Variants in ADAM23 observed in about 807,000 individuals in gnomAD.
ADAM23 encodes disintegrin and metalloproteinase domain-containing protein 23.
A neutral mutation model predicts 120.1 loss-of-function variants in ADAM23; 33 were observed. That is an observed-to-expected ratio of 0.27 (90% CI 0.21 to 0.37). The LOEUF (loss-of-function observed/expected upper bound fraction) is 0.37. ADAM23 is among the 10% of genes least tolerant of loss of function. The probability of loss-of-function intolerance (pLI) is 1.00; values close to 1 mark genes in which losing one functional copy is unlikely to be tolerated. For missense variants in ADAM23, 862 were observed against 1,058.2 expected (o/e 0.81, Z 2.57); for synonymous variants, 367 against 375.2 (o/e 0.98, Z 0.25).
chr2:206,613,546 T>C (rs561303976), intron 25 of ADAM23, among the ~76,000 whole-genome samples: 1 of 152,284 alleles, frequency 6.6e-6, no homozygotes, highest in Admixed American at 6.5e-5. Flanking sequence ...CATGCTCCTG[T>C]TCTTCCCCAT....
In ADAM23 at chr2:206,526,175, CACACAG is replaced by C. The variant is rs761670352; in HGVS notation, c.510-4704_510-4699del. Among the ~76,000 whole-genome samples, 974 of 143,462 alleles carry C rather than the reference CACACAG, an allele frequency of 6.8e-3. 4 individuals carry two copies. Among genetic ancestry groups the C allele is most frequent in the Non-Finnish European group, 9.1e-3 (593 of 65,232 alleles). The allele number at this position is 143,462 out of a possible 152,430, so 94.1% of individuals were successfully genotyped here. On this transcript the variant is annotated intron_variant, in intron 3 of 25. Transcript: ENST00000264377. ...ACACACACACACACACACACACACA[CACACAG>C]ACACACACAGACACACGTCTATACA... is the stretch of plus-strand genomic sequence containing the variant.
intron 4 of ADAM23, among the ~76,000 whole-genome samples, chr2:206,532,070 G>A (rs1697076248): frequency 6.6e-6 from 1 of 152,084 alleles, no homozygotes; most frequent in South Asian, 2.1e-4. Flanking sequence ...GTTGCATTTG[G>A]GGGTTGTTGA....
At chr2:206,542,785 G>T (rs570035952) in intron 5 of ADAM23, among the ~76,000 whole-genome samples, 16 of 152,252 alleles carry the variant, frequency 1.1e-4, no homozygotes, top group African/African-American at 3.6e-4. Context: ...ATTTATAAGC[G>T]TAAAGATACC....
chr2:206,473,370 C>A (rs765564050), intron 2 of ADAM23, among the ~76,000 whole-genome samples: 1 of 152,076 alleles, frequency 6.6e-6, no homozygotes, highest in African/African-American at 2.4e-5. Context: ...TCCACAAATT[C>A]AAATGCGCTT....
At chr2:206,598,343 G>T (rs1406629853) in intron 24 of ADAM23, among the ~76,000 whole-genome samples, 1 of 151,884 alleles carries the variant, frequency 6.6e-6, no homozygotes, top group African/African-American at 2.4e-5. Flanking sequence ...TAATTGTCTG[G>T]TTCTGTAATA....
intron 25 of ADAM23, among the ~76,000 whole-genome samples, chr2:206,614,665 A>G (rs559145641): frequency 4.6e-5 from 7 of 152,100 alleles, no homozygotes; most frequent in Non-Finnish European, 1.0e-4. Context: ...AAAAAAAAAG[A>G]GTTATCTGAA....
At chr2:206,522,492 GAA>G (rs201828327) in intron 3 of ADAM23, among the ~76,000 whole-genome samples, 1,538 of 152,216 alleles carry the variant, frequency 0.01, 12 homozygotes, top group Non-Finnish European at 0.017. Flanking sequence ...GTAAAAAAAT[GAA>G]AAGAGTTCTT....
intron 16 of ADAM23, among the ~76,000 whole-genome samples, chr2:206,571,399 C>T (rs562498558): frequency 1.8e-3 from 273 of 152,056 alleles, no homozygotes; most frequent in African/African-American, 6.4e-3. Flanking sequence ...GGCATGAACC[C>T]GGGAGGCGGA....
intron 3 of ADAM23, among the ~76,000 whole-genome samples, chr2:206,517,044 T>C (rs1696748560): frequency 6.6e-6 from 1 of 152,060 alleles, no homozygotes; most frequent in Non-Finnish European, 1.5e-5. Context: ...GTAAGCTTGC[T>C]AAAATAAAAA....
At position 206,587,621 on chromosome 2, in the gene ADAM23, C is replaced by T. The variant is rs191796466; in HGVS notation, c.1788+246C>T. On this transcript the variant is annotated intron_variant, in intron 19 of 25. Coordinates refer to ENST00000264377, the MANE Select transcript of ADAM23 (RefSeq NM_003812.4). Reference sequence around the variant, plus strand: ...GTAATGGCTGAAGAACTGGGAGTCTCATTTATTGAGTTGTGACCATCTTTC... The same window carrying T: ...GTAATGGCTGAAGAACTGGGAGTCTTATTTATTGAGTTGTGACCATCTTTC... Among the ~76,000 whole-genome samples the T allele has an allele frequency of 9.1e-4, 138 of 151,884 alleles. 2 individuals carry two copies. The highest frequency in any genetic ancestry group is 3.1e-3 in the African/African-American group (127 of 41,460).
intron 16 of ADAM23, among the ~76,000 whole-genome samples, chr2:206,571,194 G>T (rs201407513): frequency 2.0e-5 from 3 of 152,166 alleles, no homozygotes; most frequent in Non-Finnish European, 4.4e-5. Flanking sequence ...AAGCTTTCTC[G>T]GCCGGGCGCG....
rs148162444 is a variant in ADAM23 at position 206,531,207 on chromosome 2, C to T, written c.573+259C>T. ...GATAGTATAAAGAGCTATACAGTTC[C>T]ATATCAGCACCTGAAAGTAGTTAGT... On this transcript the variant is annotated intron_variant, in intron 4 of 25. Coordinates refer to ENST00000264377, the MANE Select transcript of ADAM23 (RefSeq NM_003812.4). 3.7e-3 allele frequency among the ~76,000 whole-genome samples: 557 copies of T among 152,264 alleles called. 6 individuals are homozygous for T. Among genetic ancestry groups the T allele is most frequent in the African/African-American group, 0.013 (526 of 41,540 alleles).
At chr2:206,556,963 A>G (rs188203745) in intron 9 of ADAM23, among the ~76,000 whole-genome samples, 4 of 152,344 alleles carry the variant, frequency 2.6e-5, no homozygotes, top group South Asian at 2.1e-4. Context: ...TGTCATTTCA[A>G]TGAAAACAAA....
chr2:206,543,201 C>T, intron 5 of ADAM23, 52 bp from the exon 6 acceptor site: 1 of 1,513,456 alleles, frequency 6.6e-7, no homozygotes, highest in Non-Finnish European at 9.2e-7. Flanking sequence ...CTATTTCTTG[C>T]CATTTCCTGT....
chr2:206,469,397 T>C (rs1695608091), intron 2 of ADAM23, among the ~76,000 whole-genome samples: 1 of 152,190 alleles, frequency 6.6e-6, no homozygotes, highest in Non-Finnish European at 1.5e-5. Flanking sequence ...GTGAGTCCTA[T>C]TGACTTTGCC....
chr2:206,555,904 G>A (rs1697634405), intron 9 of ADAM23, among the ~76,000 whole-genome samples: 1 of 152,120 alleles, frequency 6.6e-6, no homozygotes, highest in African/African-American at 2.4e-5. Flanking sequence ...ACTCTTAAGT[G>A]TATCTTGGAA....
intron 2 of ADAM23, among the ~76,000 whole-genome samples, chr2:206,473,226 A>G (rs1284168244): frequency 6.6e-6 from 1 of 152,176 alleles, no homozygotes. Flanking sequence ...TTTGTTAGCA[A>G]ATACTTATTA....
chr2:206,506,623 A>T (rs556687516), intron 3 of ADAM23, among the ~76,000 whole-genome samples: 1 of 152,268 alleles, frequency 6.6e-6, no homozygotes, highest in South Asian at 2.1e-4. Flanking sequence ...TGAAATCTGT[A>T]TTTCCATATT....
chr2:206,616,349 G>T (rs1317226155), intron 25 of ADAM23, among the ~76,000 whole-genome samples: 2 of 152,216 alleles, frequency 1.3e-5, no homozygotes, highest in African/African-American at 4.8e-5. Context: ...CAGCATTGTT[G>T]CAGATAGTGT....
Sources: gnomAD v4.1 joint callset for allele counts (sites outside exome capture counted in the v4.1 genomes callset) on GRCh38, gnomAD v4.1.1 for gene constraint, MANE v1.5 for transcripts, NCBI Gene and HGNC (gene_info 2026-07-23, HGNC 2026-07-21) for gene names.